SPON1: variants seen among roughly 807,000 people sequenced by gnomAD.
SPON1 encodes the protein spondin-1.
Under a neutral mutation model 111.7 loss-of-function variants are expected in SPON1, and 52 were observed. That is an observed-to-expected ratio of 0.47 (90% CI 0.37 to 0.59). The LOEUF (loss-of-function observed/expected upper bound fraction) is 0.59. Among genes scored for constraint, SPON1 ranks in the 20% least tolerant of loss-of-function variants. The pLI is 0.00. For missense variants in SPON1, 957 were observed against 1,068.5 expected, an observed-to-expected ratio of 0.90 and a Z score of 1.46; for synonymous variants, 410 against 395.8, an observed-to-expected ratio of 1.04 and a Z score of -0.43.
At chr11:14,178,613 C>T (rs1416985986) in intron 6 of SPON1, among the ~76,000 whole-genome samples, 1 of 152,104 alleles carries the variant, frequency 6.6e-6, no homozygotes, top group Non-Finnish European at 1.5e-5. Context: ...AAGACTAAAC[C>T]ATCATACCCA....
chr11:14,154,337 AT>A (rs1554930174), intron 6 of SPON1, among the ~76,000 whole-genome samples: 1 of 152,174 alleles, frequency 6.6e-6, no homozygotes, highest in Non-Finnish European at 1.5e-5. Context: ...CCTCTGGAAT[AT>A]ATGTCAGCCT....
chr11:14,121,285 G>C (rs1554926480), intron 5 of SPON1, among the ~76,000 whole-genome samples: 6 of 152,168 alleles, frequency 3.9e-5, no homozygotes, highest in Non-Finnish European at 8.8e-5. Flanking sequence ...ACATTAAAAG[G>C]GGTGAATATT....
intron 6 of SPON1, among the ~76,000 whole-genome samples, chr11:14,148,104 A>G (rs1486104433): frequency 6.6e-6 from 1 of 152,220 alleles, no homozygotes; most frequent in Non-Finnish European, 1.5e-5. Flanking sequence ...ACTCACATTT[A>G]GGCACATTCT....
rs1848766686 is a variant in SPON1 at position 14,228,847 on chromosome 11, G to C, written c.826-14485G>C. Among the ~76,000 whole-genome samples the C allele has an allele frequency of 6.6e-6, 1 of 152,174 alleles. No homozygotes were observed. The highest frequency in any genetic ancestry group is 2.1e-4 in the South Asian group (1 of 4,830). ...GCCACTGAACTGCCTGGTGATGCTT[G>C]ACTAGATCTTTGAGATGATCCTTAA... On this transcript the variant is annotated intron_variant, in intron 6 of 15. Coordinates refer to ENST00000576479, the MANE Select transcript of SPON1 (RefSeq NM_006108.4). This position sits in a 1 kb window ranked among gnomAD's most constrained non-coding sequence, Gnocchi z 4.2.
intron 2 of SPON1, among the ~76,000 whole-genome samples, chr11:14,000,398 A>G (rs1554912327): frequency 6.6e-6 from 1 of 152,134 alleles, no homozygotes; most frequent in Admixed American, 6.5e-5. Context: ...TATCAGCCCC[A>G]GACATGTTAT....
At chr11:13,967,319 G>A (rs1216396095) in intron 1 of SPON1, among the ~76,000 whole-genome samples, 2 of 152,128 alleles carry the variant, frequency 1.3e-5, no homozygotes, top group African/African-American at 2.4e-5. Flanking sequence ...GATAGTAACT[G>A]ACATCTCTCA....
At chr11:14,118,488 C>A (rs181805616) in intron 5 of SPON1, among the ~76,000 whole-genome samples, 2 of 152,264 alleles carry the variant, frequency 1.3e-5, no homozygotes, top group African/African-American at 4.8e-5. Context: ...AAATTATGTT[C>A]TTTGTGTCTG....
chr11:14,140,446 G>A (rs1311512998), intron 6 of SPON1, among the ~76,000 whole-genome samples: 5 of 152,212 alleles, frequency 3.3e-5, no homozygotes, highest in African/African-American at 1.2e-4. Context: ...CCTGGCTGGA[G>A]TGCAGTGGTG....
chr11:14,260,826 T>C, intron 14 of SPON1, 74 bp downstream of exon 14: 1 of 1,469,392 alleles, frequency 6.8e-7, no homozygotes, highest in East Asian at 2.3e-5. Flanking sequence ...CAGCCAGTGC[T>C]AATACTGCTA....
chr11:13,976,162 G>A (rs1197451208), intron 1 of SPON1, among the ~76,000 whole-genome samples: 1 of 152,162 alleles, frequency 6.6e-6, no homozygotes, highest in Non-Finnish European at 1.5e-5. Flanking sequence ...AATCCTAAAT[G>A]TTTGCTGTTA....
Position 14,265,396 on chromosome 11 carries a change from C to A in SPON1, c.2261-128C>A, listed in dbSNP as rs1287605143. ...GACCTAACTGTCCCTAATAACGACT[C>A]TAACCAATCATTACATACTTGAGCA... On this transcript the variant is annotated intron_variant, in intron 15 of 15. Coordinates refer to ENST00000576479, the MANE Select transcript of SPON1 (RefSeq NM_006108.4). 25 of 1,126,520 alleles carry A rather than the reference C, an allele frequency of 2.2e-5. No individual in the cohort carries two copies. The East Asian group carries it at 4.7e-4, about 21-fold the overall frequency. The allele number at this position is 1,126,520 out of a possible 1,614,324, so 69.8% of individuals were successfully genotyped here. A position where few individuals can be genotyped will look rare whatever the true frequency, so the allele number is the denominator to read the frequency against.
At chr11:14,262,569 G>T in intron 14 of SPON1, 143 bp from the exon 15 acceptor site, 1 of 1,120,128 alleles carries the variant, frequency 8.9e-7, no homozygotes, top group Non-Finnish European at 1.3e-6. Context: ...CCTCTTTGGA[G>T]CCTCAGTTTC....
intron 6 of SPON1, among the ~76,000 whole-genome samples, chr11:14,220,776 G>C (rs1437527003): frequency 6.6e-6 from 1 of 152,152 alleles, no homozygotes; most frequent in Non-Finnish European, 1.5e-5. Context: ...TAGTTTAATT[G>C]AATAATATCT....
At chr11:14,177,499 G>C (rs906183729) in intron 6 of SPON1, among the ~76,000 whole-genome samples, 9 of 152,164 alleles carry the variant, frequency 5.9e-5, no homozygotes, top group Admixed American at 3.9e-4. Context: ...ATTGATCTGG[G>C]TGGGGCCAGC....
chr11:13,969,757 A>G (rs1848048274), intron 1 of SPON1, among the ~76,000 whole-genome samples: 1 of 152,222 alleles, frequency 6.6e-6, no homozygotes, highest in African/African-American at 2.4e-5. Context: ...ACCTAGCCTT[A>G]TCTAAACACC....
At chr11:14,197,713 G>A (rs1460325619) in intron 6 of SPON1, among the ~76,000 whole-genome samples, 1 of 151,908 alleles carries the variant, frequency 6.6e-6, no homozygotes, top group East Asian at 1.9e-4. Flanking sequence ...CTACTCGGGA[G>A]GCTGAGGCAG....
chr11:14,071,795 T>G (rs2133828240), intron 3 of SPON1, among the ~76,000 whole-genome samples: 1 of 152,050 alleles, frequency 6.6e-6, no homozygotes, highest in East Asian at 1.9e-4. Context: ...CACTGCAACC[T>G]CCACCTCCTG....
intron 6 of SPON1, among the ~76,000 whole-genome samples, chr11:14,192,194 A>G (rs1848353253): frequency 6.6e-6 from 1 of 151,976 alleles, no homozygotes; most frequent in African/African-American, 2.4e-5. Context: ...TATGTGTGAA[A>G]TGTTAAAAAT....
intron 5 of SPON1, among the ~76,000 whole-genome samples, chr11:14,104,731 C>T (rs1014083563): frequency 6.6e-6 from 1 of 152,024 alleles, no homozygotes; most frequent in East Asian, 1.9e-4. Flanking sequence ...TTTTTAATAG[C>T]ATCATCTTTT....
Sources: gnomAD v4.1 joint callset for allele counts (sites outside exome capture counted in the v4.1 genomes callset) on GRCh38, gnomAD v4.1.1 for gene constraint, Gnocchi (gnomAD v3.1) non-coding constraint, MANE v1.5 for transcripts, NCBI Gene and HGNC (gene_info 2026-07-23, HGNC 2026-07-21) for gene names.